Variants in GRID2 observed in about 807,000 individuals in gnomAD.
GRID2 encodes the protein glutamate ionotropic receptor delta type subunit 2.
Under a neutral mutation model 114.8 loss-of-function variants are expected in GRID2, and 33 were observed. The observed-to-expected ratio is 0.29, with a 90% CI of 0.22 to 0.38. The LOEUF (loss-of-function observed/expected upper bound fraction) is 0.38. Ranked by LOEUF, GRID2 falls within the 10% of genes least tolerant of loss-of-function variation. The pLI is 1.00. For missense variants in GRID2, 1,184 were observed against 1,257.7 expected (o/e 0.94, Z 0.89); for synonymous variants, 505 against 449.9 (o/e 1.12, Z -1.55).
At chr4:92,881,367 A>T (rs1745998540) in intron 2 of GRID2, among the ~76,000 whole-genome samples, 2 of 152,062 alleles carry the variant, frequency 1.3e-5, no homozygotes, top group Non-Finnish European at 2.9e-5. Context: ...CATATATAAC[A>T]TTTACCTGTC....
At chr4:92,795,050 CTCA>C (rs1739795470) in intron 2 of GRID2, among the ~76,000 whole-genome samples, 2 of 151,366 alleles carry the variant, frequency 1.3e-5, no homozygotes, top group African/African-American at 4.8e-5. Flanking sequence ...AGTCTTCATT[CTCA>C]TCATCTTCAC....
intron 2 of GRID2, among the ~76,000 whole-genome samples, chr4:92,961,042 TC>T (rs1752762504): frequency 6.6e-6 from 1 of 151,772 alleles, no homozygotes; most frequent in African/African-American, 2.4e-5. Flanking sequence ...TTACAATAAC[TC>T]CCTAAAAATA....
intron 1 of GRID2, among the ~76,000 whole-genome samples, chr4:92,478,634 A>G (rs1722432638): frequency 6.6e-6 from 1 of 152,168 alleles, no homozygotes; most frequent in Non-Finnish European, 1.5e-5. Context: ...AAGCAAAAGT[A>G]TGAAATAGTT....
intron 1 of GRID2, among the ~76,000 whole-genome samples, chr4:92,503,595 A>G (rs1723799692): frequency 6.6e-6 from 1 of 152,154 alleles, no homozygotes; most frequent in Non-Finnish European, 1.5e-5. Flanking sequence ...AATCCAATGC[A>G]TCATTCAGTT....
chr4:93,656,836 A>AAAAAAAAAAAC (rs1487583641), intron 14 of GRID2, among the ~76,000 whole-genome samples: 2 of 147,070 alleles, frequency 1.4e-5, no homozygotes, highest in African/African-American at 5.0e-5. Flanking sequence ...CCTCAAAAAA[A>AAAAAAAAAAAC]AAAAAAAAAA....
In GRID2 at chr4:92,718,036, A is replaced by G. The variant is rs748090209; in HGVS notation, c.244+127750A>G. Among the ~76,000 whole-genome samples, 66 of 152,152 alleles carry G rather than the reference A, an allele frequency of 4.3e-4. 1 individual carries two copies. The highest frequency in any genetic ancestry group is 8.8e-5 in the Non-Finnish European group (6 of 68,016). On this transcript the variant is annotated intron_variant, in intron 2 of 15. Transcript: ENST00000282020. ...AATTTATGTTTGTCTAAAAATATAT[A>G]TTACTCATTTGTAGAAAACCTGTGA...
intron 12 of GRID2, among the ~76,000 whole-genome samples, chr4:93,510,512 T>A (rs796407827): frequency 2.6e-5 from 4 of 152,344 alleles, no homozygotes; most frequent in African/African-American, 9.6e-5. Context: ...ACAACGTATT[T>A]AATATAACAT....
chr4:92,787,073 T>C (rs2149362039), intron 2 of GRID2, among the ~76,000 whole-genome samples: 1 of 152,036 alleles, frequency 6.6e-6, no homozygotes, highest in Admixed American at 6.6e-5. Flanking sequence ...CAACTGCTAT[T>C]ATCAATACTG....
At chr4:93,097,743 G>A (rs1045684616) in intron 3 of GRID2, among the ~76,000 whole-genome samples, 15 of 151,804 alleles carry the variant, frequency 9.9e-5, no homozygotes, top group African/African-American at 3.6e-4. Context: ...TGCAGAATTC[G>A]TTACTTTTTG....
At chr4:92,740,011 T>C (rs1736794522) in intron 2 of GRID2, among the ~76,000 whole-genome samples, 2 of 152,176 alleles carry the variant, frequency 1.3e-5, no homozygotes, top group South Asian at 4.1e-4. Context: ...TTTTAAAAGT[T>C]GAAGGAAATT....
chr4:92,444,209 C>T (rs552216486), intron 1 of GRID2, among the ~76,000 whole-genome samples: 61 of 152,270 alleles, frequency 4.0e-4, no homozygotes, highest in African/African-American at 1.4e-3. Flanking sequence ...AAAATTCATG[C>T]GCGTCTGTGT....
chr4:93,762,386 G>C (rs561810891), intron 14 of GRID2, among the ~76,000 whole-genome samples: 9 of 151,990 alleles, frequency 5.9e-5, no homozygotes, highest in Non-Finnish European at 8.8e-5. Flanking sequence ...TTATCCTCAC[G>C]AATTTCTACC....
chr4:92,802,358 CT>C (rs965372438), intron 2 of GRID2, among the ~76,000 whole-genome samples: 4 of 151,856 alleles, frequency 2.6e-5, no homozygotes, highest in Non-Finnish European at 5.9e-5. Context: ...ATTCTAGTGG[CT>C]TTCACAAAGG....
At chr4:93,304,604 C>G (rs1043283938) in intron 8 of GRID2, among the ~76,000 whole-genome samples, 1 of 152,012 alleles carries the variant, frequency 6.6e-6, no homozygotes, top group Non-Finnish European at 1.5e-5. Context: ...GTTTTGTGTA[C>G]TTTAACACAC....
chr4:93,767,223 T>C (rs1733743605), intron 14 of GRID2, among the ~76,000 whole-genome samples: 1 of 152,184 alleles, frequency 6.6e-6, no homozygotes, highest in African/African-American at 2.4e-5. Context: ...GAGTCTTTAA[T>C]AGGCTGACAT....
chr4:92,923,283 C>T (rs932672954), intron 2 of GRID2, among the ~76,000 whole-genome samples: 2 of 152,056 alleles, frequency 1.3e-5, no homozygotes, highest in African/African-American at 4.8e-5. Context: ...GAAGAACTAA[C>T]ATGTTTATGC....
intron 2 of GRID2, among the ~76,000 whole-genome samples, chr4:92,844,293 A>G (rs1356296994): frequency 6.6e-6 from 1 of 152,004 alleles, no homozygotes; most frequent in African/African-American, 2.4e-5. Context: ...TAATCCCAGC[A>G]TTTTGGAGGC....
chr4:92,999,073 T>C (rs936702422), intron 2 of GRID2, among the ~76,000 whole-genome samples: 1 of 151,876 alleles, frequency 6.6e-6, no homozygotes, highest in African/African-American at 2.4e-5. Flanking sequence ...AATTTAAGTG[T>C]GTTTTTAATG....
At chr4:92,840,666 C>T (rs1742823376) in intron 2 of GRID2, among the ~76,000 whole-genome samples, 2 of 152,126 alleles carry the variant, frequency 1.3e-5, no homozygotes, top group East Asian at 1.9e-4. Flanking sequence ...TTTCATTGAG[C>T]AGCTTCTTCA....
Sources: allele counts gnomAD v4.1 joint callset (sites outside exome capture counted in the v4.1 genomes callset), GRCh38; gene constraint gnomAD v4.1.1; transcripts MANE v1.5; gene names NCBI Gene and HGNC (gene_info 2026-07-23, HGNC 2026-07-21).